MARCHF6: variants seen among roughly 807,000 people sequenced by gnomAD.
MARCHF6 encodes E3 ubiquitin-protein ligase MARCHF6.
Under a neutral mutation model 133.7 loss-of-function variants are expected in MARCHF6, and 31 were observed. The observed-to-expected ratio is 0.23, with a 90% CI of 0.17 to 0.31. The LOEUF is 0.31. Ranked by LOEUF, MARCHF6 falls within the 10% of genes least tolerant of loss-of-function variation. The probability of loss-of-function intolerance (pLI) is 1.00; values close to 1 mark genes in which losing one functional copy is unlikely to be tolerated. For synonymous variants in MARCHF6, 395 were observed against 402.5 expected, an observed-to-expected ratio of 0.98 and a Z score of 0.22; for missense variants, 723 against 1,121.6, an observed-to-expected ratio of 0.64 and a Z score of 5.08.
At chr5:10,391,893 T>C (rs1737871349) in intron 7 of MARCHF6, among the ~76,000 whole-genome samples, 162 bp downstream of exon 7, 1 of 152,184 alleles carries the variant, frequency 6.6e-6, no homozygotes, top group Admixed American at 6.5e-5. Flanking sequence ...GATGTACATA[T>C]GCATAAATAT....
Position 10,391,990 on chromosome 5 carries a change from G to A in MARCHF6, c.766+259G>A, listed in dbSNP as rs1243870822. ...TTTTTTTTTTGGGAGACTGAGTCTC[G>A]CTCTGTCGCCCAGGCTGGAGTGCAG... On this transcript the variant is annotated intron_variant, in intron 7 of 25. Transcript: ENST00000274140. 7.1e-5 allele frequency among the ~76,000 whole-genome samples: 10 copies of A among 140,922 alleles called. 1 individual carries two copies. The highest frequency in any genetic ancestry group is 1.6e-4 in the African/African-American group (6 of 37,544). 92.5% of individuals were successfully genotyped at this position (140,922 alleles called of 152,430 possible).
intron 19 of MARCHF6, 62 bp downstream of exon 19, chr5:10,411,599 T>G (rs188286385): frequency 7.2e-7 from 1 of 1,393,198 alleles, no homozygotes; most frequent in East Asian, 2.3e-5. Context: ...TTCTCCAAAT[T>G]GCTGTTGAGA....
intron 23 of MARCHF6, among the ~76,000 whole-genome samples, chr5:10,426,140 T>A (rs1307565261): frequency 6.6e-6 from 1 of 152,196 alleles, no homozygotes; most frequent in Non-Finnish European, 1.5e-5. Context: ...GAGTATAAAT[T>A]ATTCTAGATT....
At chr5:10,422,264 C>CTAGGAGACT (rs1166989713) in intron 22 of MARCHF6, among the ~76,000 whole-genome samples, 1 of 152,102 alleles carries the variant, frequency 6.6e-6, no homozygotes, top group African/African-American at 2.4e-5. Flanking sequence ...GAGGAAACAT[C>CTAGGAGACT]TAGGAGACTT....
At chr5:10,408,869 G>A (rs894826026) in intron 17 of MARCHF6, among the ~76,000 whole-genome samples, 5 of 152,072 alleles carry the variant, frequency 3.3e-5, no homozygotes, top group African/African-American at 7.2e-5. Context: ...TGTCTTCATC[G>A]TTGTATTTCT....
At chr5:10,408,530 G>A (rs1183312650) in intron 17 of MARCHF6, among the ~76,000 whole-genome samples, 1 of 152,100 alleles carries the variant, frequency 6.6e-6, no homozygotes, top group Admixed American at 6.6e-5. Flanking sequence ...CCAGATTAAG[G>A]TTTTTAAATT....
At chr5:10,379,045 A>G (rs1451395295) in intron 3 of MARCHF6, among the ~76,000 whole-genome samples, 2 of 149,802 alleles carry the variant, frequency 1.3e-5, no homozygotes, top group African/African-American at 4.9e-5. Context: ...TATCACACAC[A>G]TGTTTGAGAT....
intron 1 of MARCHF6, among the ~76,000 whole-genome samples, chr5:10,355,674 T>C (rs1735412229): frequency 6.6e-6 from 1 of 152,258 alleles, no homozygotes; most frequent in South Asian, 2.1e-4. Context: ...CTAAACACTT[T>C]ATATACATTT....
intron 3 of MARCHF6, among the ~76,000 whole-genome samples, chr5:10,380,324 A>G (rs1296401319): frequency 6.6e-6 from 1 of 152,174 alleles, no homozygotes; most frequent in Non-Finnish European, 1.5e-5. Context: ...AAAAAAGTCA[A>G]TTCTGTTATT....
intron 1 of MARCHF6, chr5:10,354,701 T>G (rs1390937332): frequency 1.3e-5 from 2 of 152,246 alleles, no homozygotes; most frequent in African/African-American, 4.8e-5. Context: ...CAGCTGTGTT[T>G]TTAAATGAGT....
intron 20 of MARCHF6, among the ~76,000 whole-genome samples, chr5:10,415,117 TAAGAG>T (rs935812648): frequency 2.6e-5 from 4 of 152,226 alleles, no homozygotes; most frequent in African/African-American, 4.8e-5. Flanking sequence ...ACATCACAAA[TAAGAG>T]AAGAAATTCC....
chr5:10,373,049 G>A (rs1736558736), intron 1 of MARCHF6, among the ~76,000 whole-genome samples: 1 of 151,550 alleles, frequency 6.6e-6, no homozygotes, highest in African/African-American at 2.4e-5. Flanking sequence ...GACACAGCAA[G>A]ACCCTGTCTC....
intron 1 of MARCHF6, among the ~76,000 whole-genome samples, chr5:10,369,690 T>C (rs1736353161): frequency 6.8e-6 from 1 of 146,820 alleles, no homozygotes; most frequent in Non-Finnish European, 1.5e-5. Flanking sequence ...CTGATCTGTT[T>C]CTGTCCCTAT....
chr5:10,419,901 C>A (rs1739743394), intron 22 of MARCHF6, among the ~76,000 whole-genome samples: 1 of 152,176 alleles, frequency 6.6e-6, no homozygotes, highest in Non-Finnish European at 1.5e-5. Flanking sequence ...TTTGTGCTAT[C>A]TGGGACTCAG....
At chr5:10,380,990 A>G (rs1579550576) in intron 3 of MARCHF6, among the ~76,000 whole-genome samples, 1 of 151,852 alleles carries the variant, frequency 6.6e-6, no homozygotes, top group African/African-American at 2.4e-5. Context: ...AGGTGTGAAC[A>G]GTTTTGTGAT....
At chr5:10,432,277 G>A (rs1477080195) in intron 25 of MARCHF6, among the ~76,000 whole-genome samples, 1 of 152,170 alleles carries the variant, frequency 6.6e-6, no homozygotes. Context: ...TTAAAACAAT[G>A]CTGCAGCGTG....
rs1333246876 is a variant in MARCHF6, at chr5:10,426,399, A to G, written c.2383A>G (p.Asn795Asp). The change falls in exon 24 of 26, where the codon AAT (asparagine) becomes GAT (aspartate). Residue 795 changes from asparagine to aspartate, a missense_variant. Around this residue, in one of 4 missense-constraint regions of MARCHF6, gnomAD observed 492 missense variants for 699.5 expected, o/e 0.70. Transcript: ENST00000274140. ...LKTVIEQVYA[N>D]GIRNIDLHYI... Reference sequence around the variant, plus strand: ...TTTTGTAATGTTTCAGGTTTACGCAAATGGCATCCGGAACATTGACCTTCA... The same window carrying G: ...TTTTGTAATGTTTCAGGTTTACGCAGATGGCATCCGGAACATTGACCTTCA... The G allele has an allele frequency of 6.2e-7, 1 of 1,613,466 alleles. No homozygotes were observed. Among genetic ancestry groups the G allele is most frequent in the Admixed American group, 1.7e-5 (1 of 59,872 alleles).
At chr5:10,377,270 C>G (rs1736846236) in intron 1 of MARCHF6, among the ~76,000 whole-genome samples, 2 of 152,106 alleles carry the variant, frequency 1.3e-5, no homozygotes, top group Non-Finnish European at 2.9e-5. Flanking sequence ...CCCACCAGCC[C>G]TTAAAGTGTG....
At chr5:10,419,983 A>G (rs1403757655) in intron 22 of MARCHF6, among the ~76,000 whole-genome samples, 1 of 152,188 alleles carries the variant, frequency 6.6e-6, no homozygotes, top group Non-Finnish European at 1.5e-5. Flanking sequence ...ACACACAACT[A>G]GTGGAGGGGT....
Sources: allele counts gnomAD v4.1 joint callset (sites outside exome capture counted in the v4.1 genomes callset), GRCh38; gene constraint gnomAD v4.1.1; regional missense constraint gnomAD v4.1.1; transcripts MANE v1.5; gene names NCBI Gene and HGNC (gene_info 2026-07-23, HGNC 2026-07-21).